GABRG3: variants seen among roughly 807,000 people sequenced by gnomAD.
The protein encoded by GABRG3 is gamma-aminobutyric acid type A receptor subunit gamma3.
A neutral mutation model predicts 48.8 loss-of-function variants in GABRG3; 25 were observed. The ratio of observed to expected loss-of-function variants is 0.51; its 90% CI spans 0.37 to 0.72. The LOEUF (loss-of-function observed/expected upper bound fraction) is 0.72, where lower values mean the gene tolerates loss of function less well. Among genes scored for constraint, GABRG3 ranks in the 30% least tolerant of loss-of-function variants. The probability of loss-of-function intolerance (pLI) is 0.00; values close to 1 mark genes in which losing one functional copy is unlikely to be tolerated. For synonymous variants in GABRG3, 227 were observed against 217.6 expected (o/e 1.04, Z -0.38); for missense variants, 394 against 577.9 (o/e 0.68, Z 3.26).
intron 3 of GABRG3, among the ~76,000 whole-genome samples, chr15:27,309,220 CAT>C (rs78728861): frequency 7.3e-5 from 11 of 150,724 alleles, no homozygotes; most frequent in Middle Eastern, 7.2e-3. Context: ...TGTATAGAAA[CAT>C]AATGTAAACA....
In GABRG3 at chr15:27,537,344, C is replaced by T. The variant is rs1324274576; in HGVS notation, c.*4463C>T. On this transcript the variant is annotated 3_prime_UTR_variant, in exon 10 of 10. Coordinates refer to ENST00000615808, the MANE Select transcript of GABRG3 (RefSeq NM_033223.5). ...AATTTACAATATTCTCCTGAGCCCC[C>T]TTCCAATTTCCCAAAATTGAGAAAG... is the stretch of plus-strand genomic sequence containing the variant. 6.6e-6 allele frequency: 1 copy of T among 152,164 alleles called. No individual in the cohort carries two copies. Among genetic ancestry groups the T allele is most frequent in the Non-Finnish European group, 1.5e-5 (1 of 68,038 alleles). The allele number at this position is 152,164 out of a possible 1,614,324, so 9.4% of individuals were successfully genotyped here.
chr15:27,336,763 T>C (rs1249543073), intron 5 of GABRG3, among the ~76,000 whole-genome samples: 5 of 152,196 alleles, frequency 3.3e-5, no homozygotes, highest in Non-Finnish European at 1.5e-5. Flanking sequence ...GAAACAGCCC[T>C]CATGTTCTTC....
intron 5 of GABRG3, among the ~76,000 whole-genome samples, chr15:27,473,325 A>G (rs746499994): frequency 2.0e-5 from 3 of 152,158 alleles, no homozygotes; most frequent in Non-Finnish European, 1.5e-5. Context: ...GAAATTTGAA[A>G]CTATGGAAAA....
At chr15:27,095,926 C>G (rs1897260169) in intron 3 of GABRG3, among the ~76,000 whole-genome samples, 1 of 152,206 alleles carries the variant, frequency 6.6e-6, no homozygotes, top group South Asian at 2.1e-4. Context: ...GACCCGCCTT[C>G]CCTTCCTGGG....
chr15:27,107,511 T>G (rs1388712053), intron 3 of GABRG3, among the ~76,000 whole-genome samples: 1 of 151,990 alleles, frequency 6.6e-6, no homozygotes, highest in Non-Finnish European at 1.5e-5. Context: ...TTTTGTAGTG[T>G]TTTTATTTAT....
rs191846861 is a variant in GABRG3, at chr15:27,433,652, C to T, written c.575-46998C>T. 2.7e-4 allele frequency among the ~76,000 whole-genome samples: 41 copies of T among 152,266 alleles called. 1 individual carries two copies. The highest frequency in any genetic ancestry group is 2.5e-3 in the Admixed American group (39 of 15,304). On this transcript the variant is annotated intron_variant, in intron 5 of 9. Coordinates refer to ENST00000615808, the MANE Select transcript of GABRG3 (RefSeq NM_033223.5). Reference sequence around the variant, plus strand: ...CCCTAATTCAACAGATGCCATGTAGCCCTCCATGAGTTTAGGGCTAGTATT... The same window carrying T: ...CCCTAATTCAACAGATGCCATGTAGTCCTCCATGAGTTTAGGGCTAGTATT...
At chr15:27,495,036 A>T (rs1196765599) in intron 6 of GABRG3, among the ~76,000 whole-genome samples, 2 of 151,936 alleles carry the variant, frequency 1.3e-5, no homozygotes, top group Non-Finnish European at 2.9e-5. Context: ...TTTATTTCAC[A>T]CTCTACTAGT....
chr15:27,252,627 C>A (rs1275499953), intron 3 of GABRG3, among the ~76,000 whole-genome samples: 1 of 152,176 alleles, frequency 6.6e-6, no homozygotes, highest in East Asian at 1.9e-4. Context: ...TTGAAGACAT[C>A]TGTGGGGCCT....
chr15:27,350,236 TG>T (rs1566799391), intron 5 of GABRG3: 1 of 455,014 alleles, frequency 2.2e-6, no homozygotes, highest in Non-Finnish European at 4.4e-6. Flanking sequence ...CTTCCATTCG[TG>T]GGGAAATGAA....
At chr15:27,122,861 G>C (rs190472535) in intron 3 of GABRG3, among the ~76,000 whole-genome samples, 26 of 152,276 alleles carry the variant, frequency 1.7e-4, no homozygotes, top group Admixed American at 1.7e-3. Context: ...TCACTTCCCC[G>C]TGTAGCTCAT....
At chr15:27,344,074 T>A (rs1014350830) in intron 5 of GABRG3, among the ~76,000 whole-genome samples, 3 of 152,230 alleles carry the variant, frequency 2.0e-5, no homozygotes, top group Non-Finnish European at 4.4e-5. Context: ...TCAGCTCATG[T>A]GGAAGGCTGT....
intron 6 of GABRG3, among the ~76,000 whole-genome samples, chr15:27,507,037 C>G (rs530716535): frequency 6.6e-6 from 1 of 152,190 alleles, no homozygotes; most frequent in South Asian, 2.1e-4. Flanking sequence ...ATTTTCAGTT[C>G]AAAATATTTT....
intron 6 of GABRG3, among the ~76,000 whole-genome samples, chr15:27,497,918 T>C (rs981781215): frequency 6.6e-6 from 1 of 152,230 alleles, no homozygotes; most frequent in African/African-American, 2.4e-5. Context: ...ACAAAGGTAA[T>C]CATCTGCAAC....
At chr15:27,269,855 T>A (rs938920559) in intron 3 of GABRG3, among the ~76,000 whole-genome samples, 8 of 152,228 alleles carry the variant, frequency 5.3e-5, no homozygotes, top group Non-Finnish European at 1.0e-4. Flanking sequence ...TATCTGTCTA[T>A]CTATCTACAT....
At chr15:27,358,777 G>A (rs1243373203) in intron 5 of GABRG3, among the ~76,000 whole-genome samples, 1 of 152,202 alleles carries the variant, frequency 6.6e-6, no homozygotes, top group Non-Finnish European at 1.5e-5. Context: ...TAAGTGGTGT[G>A]CCCCCGAAAA....
intron 3 of GABRG3, among the ~76,000 whole-genome samples, chr15:27,143,146 A>G (rs1898135705): frequency 6.6e-6 from 1 of 152,178 alleles, no homozygotes; most frequent in Non-Finnish European, 1.5e-5. Flanking sequence ...TAGCATAATC[A>G]TAGCTCACCA....
chr15:26,981,788 G>A lies in GABRG3; in HGVS notation c.202+4638G>A, dbSNP rs538355211. 9.2e-5 allele frequency among the ~76,000 whole-genome samples: 14 copies of A among 152,294 alleles called. No individual in the cohort carries two copies. The East Asian group carries it at 2.7e-3, about 29-fold the overall frequency. ...CTTCAGGAGGCTCCACTGCCTGATA[G>A]CTTCCTAGCACTCACACTGCCCAGG... On this transcript the variant is annotated intron_variant, in intron 2 of 9. Coordinates refer to ENST00000615808, the MANE Select transcript of GABRG3 (RefSeq NM_033223.5).
chr15:27,233,212 C>T (rs1219267816), intron 3 of GABRG3, among the ~76,000 whole-genome samples: 1 of 152,198 alleles, frequency 6.6e-6, no homozygotes, highest in Non-Finnish European at 1.5e-5. Flanking sequence ...GCTTTGTGCC[C>T]ACATACCTGT....
In GABRG3 at chr15:26,971,331, C is replaced by A. The variant is rs1230802888; in HGVS notation, c.-205C>A. 11 of 307,346 alleles carry A rather than the reference C, an allele frequency of 3.6e-5. No individual in the cohort carries two copies. Among genetic ancestry groups the A allele is most frequent in the Non-Finnish European group, 5.9e-6 (1 of 170,148 alleles). 19.0% of individuals were successfully genotyped at this position (307,346 alleles called of 1,614,324 possible). Reference sequence around the variant, plus strand: ...CTAGTGCGCGGGTGGGGGCGGCGCGCCGCGGTGGCCCGGCGTCCCGTGTGC... The same window carrying A: ...CTAGTGCGCGGGTGGGGGCGGCGCGACGCGGTGGCCCGGCGTCCCGTGTGC... On this transcript the variant is annotated 5_prime_UTR_variant, in exon 1 of 10. Coordinates refer to ENST00000615808, the MANE Select transcript of GABRG3 (RefSeq NM_033223.5).
Sources: gnomAD v4.1 joint callset for allele counts (sites outside exome capture counted in the v4.1 genomes callset) on GRCh38, gnomAD v4.1.1 for gene constraint, MANE v1.5 for transcripts, NCBI Gene and HGNC (gene_info 2026-07-23, HGNC 2026-07-21) for gene names.